ACP3: variants seen among roughly 807,000 people sequenced by gnomAD.
The protein encoded by ACP3 is prostatic acid phosphatase.
A neutral mutation model predicts 45.6 loss-of-function variants in ACP3; 38 were observed. The ratio of observed to expected loss-of-function variants is 0.83; its 90% CI spans 0.64 to 1.09. The LOEUF is 1.09. ACP3 is among the 50% of genes least tolerant of loss of function. ACP3 has a pLI of 0.00. For missense variants in ACP3, 466 were observed against 463.2 expected, an observed-to-expected ratio of 1.01 and a Z score of -0.05; for synonymous variants, 162 against 164.7, an observed-to-expected ratio of 0.98 and a Z score of 0.13.
At chr3:132,320,897 A>G (rs940415407) in intron 1 of ACP3, among the ~76,000 whole-genome samples, 17 of 152,090 alleles carry the variant, frequency 1.1e-4, no homozygotes, top group Non-Finnish European at 2.1e-4. Context: ...GTGATCCACC[A>G]GCCTTGGCCT....
chr3:132,329,113 T>C (rs141301149), intron 2 of ACP3, among the ~76,000 whole-genome samples: 2 of 152,334 alleles, frequency 1.3e-5, no homozygotes, highest in East Asian at 1.9e-4. Context: ...TCCAAAGCCC[T>C]ATTCCCTTTG....
intron 8 of ACP3, among the ~76,000 whole-genome samples, chr3:132,351,249 A>T (rs1290761037): frequency 1.3e-5 from 2 of 152,222 alleles, no homozygotes; most frequent in Non-Finnish European, 1.5e-5. Context: ...GAGTAGAAAG[A>T]AAAGAGAGCA....
At position 132,357,123 on chromosome 3, in the gene ACP3, C is replaced by T; in HGVS notation, c.*245C>T. The T allele has an allele frequency of 8.3e-7, 1 of 1,211,172 alleles. No individual in the cohort carries two copies. Among genetic ancestry groups the T allele is most frequent in the Non-Finnish European group, 1.0e-6 (1 of 968,820 alleles). 75.0% of individuals were successfully genotyped at this position (1,211,172 alleles called of 1,614,324 possible). The stretch of plus-strand genomic sequence containing the variant: ...CGTTAATGTAAAGGGGCAGCAGTGC[C>T]AAAATATAATCAGAGATAAAGCTTA... On this transcript the variant is annotated 3_prime_UTR_variant, in exon 10 of 10. Coordinates refer to ENST00000336375, the MANE Select transcript of ACP3 (RefSeq NM_001099.5).
At chr3:132,365,106 A>C (rs1447549189) in intron 10 of ACP3, among the ~76,000 whole-genome samples, 1 of 152,246 alleles carries the variant, frequency 6.6e-6, no homozygotes, top group East Asian at 1.9e-4. Flanking sequence ...TAAGTCATTA[A>C]GTTTTTTCTA....
At chr3:132,317,884 GA>G (rs1576403638) in intron 1 of ACP3, among the ~76,000 whole-genome samples, 2 of 152,228 alleles carry the variant, frequency 1.3e-5, no homozygotes, top group Non-Finnish European at 2.9e-5. Flanking sequence ...CACCAGTCCA[GA>G]AGAAACCACA....
rs758413741 is a variant in ACP3, at chr3:132,352,780, C to T, written c.925C>T (p.Pro309Ser). Residue 309 changes from proline (P) to serine (S), a missense_variant, in exon 9 of 10, where the codon CCC becomes TCC. Coordinates refer to ENST00000336375, the MANE Select transcript of ACP3 (RefSeq NM_001099.5). ...AGATGTTTACAACGGACTCCTTCCT[C>T]CCTATGCTTCTTGCCACTTGACGGA... Reference protein sequence around the residue: ...ALDVYNGLLPPYASCHLTELY... With the variant: ...ALDVYNGLLPSYASCHLTELY... The T allele has an allele frequency of 1.9e-6, 3 of 1,613,872 alleles. No individual in the cohort carries two copies. Among genetic ancestry groups the T allele is most frequent in the South Asian group, 2.2e-5 (2 of 91,082 alleles).
At chr3:132,344,277 CAAAAAAA>C (rs56793876) in intron 6 of ACP3, among the ~76,000 whole-genome samples, 1 of 99,362 alleles carries the variant, frequency 1.0e-5, no homozygotes, top group Non-Finnish European at 1.9e-5. Context: ...GATTCTGTCT[CAAAAAAA>C]AAAAAAAAAA....
chr3:132,319,745 C>T (rs1418269026), intron 1 of ACP3, among the ~76,000 whole-genome samples: 2 of 152,162 alleles, frequency 1.3e-5, no homozygotes, highest in Admixed American at 6.6e-5. Flanking sequence ...TCTCTGACCC[C>T]GGATGCCTTT....
At chr3:132,365,931 A>T (rs1938123822) in intron 10 of ACP3, among the ~76,000 whole-genome samples, 1 of 152,036 alleles carries the variant, frequency 6.6e-6, no homozygotes, top group Non-Finnish European at 1.5e-5. Context: ...CAGAGGTTGC[A>T]GTGAGCCGAG....
rs1454349005 is a variant in ACP3 at position 132,358,078 on chromosome 3, A to C, written c.*1200A>C. On this transcript the variant is annotated 3_prime_UTR_variant, in exon 10 of 10. Transcript: ENST00000336375. ...AAATAAATAAATAAATAAATAAATA[A>C]AAACAAAGTTGATTAAGAAAGGAAG... The C allele has an allele frequency of 6.4e-6, 1 of 157,434 alleles. No individual in the cohort carries two copies. The highest frequency in any genetic ancestry group is 2.5e-5 in the African/African-American group (1 of 40,600). 9.8% of individuals were successfully genotyped at this position (157,434 alleles called of 1,614,324 possible). A position where few individuals can be genotyped will look rare whatever the true frequency, so the allele number is the denominator to read the frequency against.
Position 132,357,230 on chromosome 3 carries a change from T to G in ACP3, c.*352T>G. The stretch of plus-strand genomic sequence containing the variant: ...TATTTAAGGATTCTGAGATTTTGCT[T>G]GAGCAGGATTAGATAAGGCTGTTCT... On this transcript the variant is annotated 3_prime_UTR_variant, in exon 10 of 10. Coordinates refer to ENST00000336375, the MANE Select transcript of ACP3 (RefSeq NM_001099.5). 1.0e-6 allele frequency: 1 copy of G among 1,004,330 alleles called. No individual in the cohort carries two copies. The highest frequency in any genetic ancestry group is 4.4e-5 in the South Asian group (1 of 22,680). 62.2% of individuals were successfully genotyped at this position (1,004,330 alleles called of 1,614,324 possible).
intron 1 of ACP3, among the ~76,000 whole-genome samples, chr3:132,326,051 T>C (rs1937293144): frequency 6.6e-6 from 1 of 152,330 alleles, no homozygotes; most frequent in African/African-American, 2.4e-5. Context: ...ACCTGACTTC[T>C]CTTTGGCTAA....
At chr3:132,333,403 C>A (rs1416941269) in intron 4 of ACP3, 1 of 152,674 alleles carries the variant, frequency 6.5e-6, no homozygotes, top group East Asian at 1.9e-4. Flanking sequence ...AATTTCCCTG[C>A]AGTCCCATCA....
chr3:132,318,707 A>T (rs112711004), intron 1 of ACP3, among the ~76,000 whole-genome samples: 2,677 of 152,296 alleles, frequency 0.018, 80 homozygotes, highest in African/African-American at 0.061. Flanking sequence ...GCAGAAAAAA[A>T]ATATATAATA....
chr3:132,336,184 T>C (rs6439354), intron 4 of ACP3, among the ~76,000 whole-genome samples: 37,056 of 151,976 alleles, frequency 0.24, 4,715 homozygotes, highest in African/African-American at 0.32. Context: ...GGCGTGAACC[T>C]GGGAAGCAGA....
chr3:132,326,094 C>A (rs1449845048), intron 1 of ACP3, among the ~76,000 whole-genome samples: 8 of 152,084 alleles, frequency 5.3e-5, no homozygotes, highest in Admixed American at 4.6e-4. Context: ...TGATTTTCTG[C>A]CCCTATGGCA....
chr3:132,360,315 G>GA (rs35028722), downstream of ACP3, among the ~76,000 whole-genome samples: 61,830 of 131,376 alleles, frequency 0.47, 14,022 homozygotes, highest in East Asian at 0.77. Context: ...TAATTCATTG[G>GA]AAAAAAAAAA....
intron 10 of ACP3, among the ~76,000 whole-genome samples, chr3:132,367,014 A>C (rs1221510996): frequency 6.6e-6 from 1 of 152,202 alleles, no homozygotes. Context: ...ATATTTTTAC[A>C]ATGAAAAGAC....
At position 132,338,953 on chromosome 3, in the gene ACP3, T is replaced by C. The variant is rs147186556; in HGVS notation, c.555+1399T>C. ...GGTAAACATGTGTCATGGGGGTTTG[T>C]TGTACAGATTATTTCATCACCCAGG... On this transcript the variant is annotated intron_variant, in intron 5 of 9. Coordinates refer to ENST00000336375, the MANE Select transcript of ACP3 (RefSeq NM_001099.5). 2.9e-3 allele frequency among the ~76,000 whole-genome samples: 442 copies of C among 152,294 alleles called. 4 individuals carry two copies. The highest frequency in any genetic ancestry group is 9.7e-3 in the African/African-American group (402 of 41,562).
Sources: allele counts gnomAD v4.1 joint callset (sites outside exome capture counted in the v4.1 genomes callset), GRCh38; gene constraint gnomAD v4.1.1; transcripts MANE v1.5; gene names NCBI Gene and HGNC (gene_info 2026-07-23, HGNC 2026-07-21).